The following KLHL18 variants were observed in gnomAD, a reference collection of about 807,000 sequenced individuals.
The protein encoded by KLHL18 is kelch-like protein 18.
Under a neutral mutation model 58.5 loss-of-function variants are expected in KLHL18, and 38 were observed. That is an observed-to-expected ratio of 0.65 (90% confidence interval 0.50 to 0.85). The LOEUF (loss-of-function observed/expected upper bound fraction) is 0.85. Ranked by LOEUF, KLHL18 falls within the 40% of genes least tolerant of loss-of-function variation. KLHL18 has a pLI of 0.00. For synonymous variants in KLHL18, 303 were observed against 301.9 expected, an observed-to-expected ratio of 1.00 and a Z score of -0.04; for missense variants, 624 against 778.4, an observed-to-expected ratio of 0.80 and a Z score of 2.36.
At chr3:47,330,374 A>C (rs1037205810) in intron 4 of KLHL18, among the ~76,000 whole-genome samples, 7 of 152,156 alleles carry the variant, frequency 4.6e-5, no homozygotes, top group African/African-American at 1.7e-4. Context: ...GCTGGAGTGC[A>C]GTAGCAAGAT....
rs1444125428 is a variant in KLHL18, at chr3:47,345,078, A to T, written c.*1137A>T. 2.0e-5 allele frequency: 3 copies of T among 151,930 alleles called. No homozygotes were observed. The highest frequency in any genetic ancestry group is 4.4e-5 in the Non-Finnish European group (3 of 67,968). The allele number at this position is 151,930 out of a possible 1,614,324, so 9.4% of individuals were successfully genotyped here. A position where few individuals can be genotyped will look rare whatever the true frequency, so the allele number is the denominator to read the frequency against. The stretch of plus-strand genomic sequence containing the variant: ...ATTCAGATTCCCCACTCTCACTAAC[A>T]TTGCTTCCTTTTTTGACCAGCAGGA... On this transcript the variant is annotated 3_prime_UTR_variant, in exon 10 of 10. Coordinates refer to ENST00000232766, the MANE Select transcript of KLHL18 (RefSeq NM_025010.5).
chr3:47,319,841 T>C (rs1703544018), intron 2 of KLHL18, 58 bp downstream of exon 2: 18 of 1,594,436 alleles, frequency 1.1e-5, no homozygotes, highest in Non-Finnish European at 1.5e-5. Flanking sequence ...TTTCAGCCTG[T>C]GCACGGTTCC....
intron 8 of KLHL18, among the ~76,000 whole-genome samples, chr3:47,341,863 G>A (rs1179094207): frequency 7.0e-6 from 1 of 142,392 alleles, no homozygotes; most frequent in African/African-American, 2.7e-5. Context: ...TTTGAGACCA[G>A]CCTAGGCAAC....
chr3:47,325,024 C>A (rs1247327187), intron 3 of KLHL18, among the ~76,000 whole-genome samples: 2 of 152,260 alleles, frequency 1.3e-5, no homozygotes, highest in East Asian at 3.9e-4. Flanking sequence ...GCCACAGACT[C>A]CAGAGCCATG....
intron 6 of KLHL18, among the ~76,000 whole-genome samples, chr3:47,335,365 C>A (rs756534820): frequency 6.6e-6 from 1 of 152,200 alleles, no homozygotes; most frequent in Non-Finnish European, 1.5e-5. Flanking sequence ...AGCCCCACCC[C>A]CTGTGAAACA....
chr3:47,293,018 T>A (rs1702823215), intron 1 of KLHL18, among the ~76,000 whole-genome samples: 1 of 151,560 alleles, frequency 6.6e-6, no homozygotes, highest in Non-Finnish European at 1.5e-5. Context: ...CTAAGTGAAA[T>A]AAGCCAGTTA....
intron 1 of KLHL18, among the ~76,000 whole-genome samples, chr3:47,301,635 C>A (rs369877105): frequency 6.6e-6 from 1 of 152,088 alleles, no homozygotes; most frequent in South Asian, 2.1e-4. Flanking sequence ...TGTAGTTGAC[C>A]CTTGAACAAT....
intron 1 of KLHL18, among the ~76,000 whole-genome samples, chr3:47,295,766 T>TA (rs1425176668): frequency 6.6e-6 from 1 of 151,892 alleles, no homozygotes; most frequent in Non-Finnish European, 1.5e-5. Flanking sequence ...TTTTGGTAGA[T>TA]ACAGGGTCTT....
At chr3:47,340,756 T>C (rs750199346) in intron 8 of KLHL18, 80 bp downstream of exon 8, 23 of 1,524,970 alleles carry the variant, frequency 1.5e-5, no homozygotes, top group Non-Finnish European at 2.0e-5. Flanking sequence ...TTTTTTAATT[T>C]AAGCTTCTCA....
intron 2 of KLHL18, among the ~76,000 whole-genome samples, chr3:47,321,733 A>G (rs746387601): frequency 2.4e-4 from 37 of 152,198 alleles, no homozygotes; most frequent in Admixed American, 5.2e-4. Context: ...GAGAAAAGTA[A>G]AGCAGAGTAA....
At chr3:47,328,148 C>T (rs933236761) in intron 3 of KLHL18, among the ~76,000 whole-genome samples, 2 of 151,686 alleles carry the variant, frequency 1.3e-5, no homozygotes, top group Non-Finnish European at 2.9e-5. Context: ...GAGGATTGCT[C>T]GAGCCTAGGA....
In KLHL18 at chr3:47,336,628, T is replaced by A. The variant is rs200956225; in HGVS notation, c.992T>A (p.Val331Glu). The A allele has an allele frequency of 4.2e-5, 67 of 1,614,222 alleles. 1 individual carries two copies. In the Admixed American group the frequency reaches 1.1e-3, roughly 26 times the overall value. The change falls in exon 7 of 10, where the codon GTG (valine) becomes GAG (glutamate). Residue 331 changes from valine (V) to glutamate (E), a missense_variant. Coordinates refer to ENST00000232766, the MANE Select transcript of KLHL18 (RefSeq NM_025010.5). Reference sequence around the variant, plus strand: ...ACAACAGCCCGCAGCCGCGTTGGCGTGGCTGTGGTGAACGGGCTTCTCTAT... The same window carrying A: ...ACAACAGCCCGCAGCCGCGTTGGCGAGGCTGTGGTGAACGGGCTTCTCTAT... ...PMTTARSRVG[V>E]AVVNGLLYAI...
chr3:47,321,005 T>C (rs1425252534), intron 2 of KLHL18, among the ~76,000 whole-genome samples: 1 of 152,200 alleles, frequency 6.6e-6, no homozygotes, highest in East Asian at 1.9e-4. Flanking sequence ...TCCTATTCTC[T>C]GAGGTGTGTG....
chr3:47,328,312 G>A (rs1034765075), intron 3 of KLHL18, among the ~76,000 whole-genome samples: 1 of 151,562 alleles, frequency 6.6e-6, no homozygotes, highest in Non-Finnish European at 1.5e-5. Context: ...GCTATCATGA[G>A]CCATAATTGC....
At chr3:47,341,971 A>C (rs1191559924) in intron 8 of KLHL18, among the ~76,000 whole-genome samples, 1 of 151,814 alleles carries the variant, frequency 6.6e-6, no homozygotes, top group Non-Finnish European at 1.5e-5. Context: ...CTCTAGTCCC[A>C]GCTACTGAGA....
chr3:47,287,899 G>GATTTTAT (rs1186907554), intron 1 of KLHL18, among the ~76,000 whole-genome samples: 2 of 152,108 alleles, frequency 1.3e-5, no homozygotes, highest in Non-Finnish European at 2.9e-5. Flanking sequence ...AACTTTGAAT[G>GATTTTAT]ATTTTATCTG....
chr3:47,342,543 G>A (rs1368483349), intron 8 of KLHL18, among the ~76,000 whole-genome samples, 176 bp from the exon 9 acceptor site: 1 of 152,218 alleles, frequency 6.6e-6, no homozygotes, highest in African/African-American at 2.4e-5. Flanking sequence ...TGGGCTGTGG[G>A]TTTGCAGCTT....
intron 3 of KLHL18, among the ~76,000 whole-genome samples, chr3:47,325,594 A>G (rs1286270766): frequency 3.9e-5 from 6 of 152,188 alleles, no homozygotes; most frequent in East Asian, 1.9e-4. Flanking sequence ...AGAAGCCACA[A>G]TGCCATCAGA....
At chr3:47,333,755 C>G (rs1384436703) in intron 5 of KLHL18, among the ~76,000 whole-genome samples, 1 of 152,180 alleles carries the variant, frequency 6.6e-6, no homozygotes, top group Non-Finnish European at 1.5e-5. Flanking sequence ...CAGGTGTAGG[C>G]TTTACATCTA....
Sources: gnomAD v4.1 joint callset for allele counts (sites outside exome capture counted in the v4.1 genomes callset) on GRCh38, gnomAD v4.1.1 for gene constraint, MANE v1.5 for transcripts, NCBI Gene and HGNC (gene_info 2026-07-23, HGNC 2026-07-21) for gene names.